ELMO1: variants seen among roughly 807,000 people sequenced by gnomAD.
ELMO1 encodes engulfment and cell motility 1, also known as engulfment and cell motility protein 1.
Under a neutral mutation model 98.9 loss-of-function variants are expected in ELMO1, and 26 were observed. The observed-to-expected ratio is 0.26, with a 90% CI of 0.19 to 0.36. The LOEUF (loss-of-function observed/expected upper bound fraction) is 0.36, where lower values mean the gene tolerates loss of function less well. ELMO1 is among the 10% of genes least tolerant of loss of function. The pLI is 1.00. For missense variants in ELMO1, 627 were observed against 935.2 expected, an observed-to-expected ratio of 0.67 and a Z score of 4.30; for synonymous variants, 346 against 346.0, an observed-to-expected ratio of 1.00 and a Z score of 0.00.
chr7:37,434,613 T>C (rs1805069166), intron 1 of ELMO1, among the ~76,000 whole-genome samples: 1 of 152,172 alleles, frequency 6.6e-6, no homozygotes, highest in African/African-American at 2.4e-5. Flanking sequence ...ATCACGTCAC[T>C]CCCTTGGGTA....
chr7:37,250,071 T>G (rs550068987), intron 6 of ELMO1, among the ~76,000 whole-genome samples: 1 of 152,050 alleles, frequency 6.6e-6, no homozygotes, highest in African/African-American at 2.4e-5. Flanking sequence ...AGAGCAAGAC[T>G]CTGACTCAAA....
intron 16 of ELMO1, among the ~76,000 whole-genome samples, chr7:37,005,120 A>G (rs1345382991): frequency 1.3e-5 from 2 of 150,146 alleles, no homozygotes; most frequent in African/African-American, 5.0e-5. Context: ...AAAAAAAAAA[A>G]AAAAAAAAAA....
chr7:37,059,747 A>G (rs1169486454), intron 15 of ELMO1, among the ~76,000 whole-genome samples: 1 of 152,212 alleles, frequency 6.6e-6, no homozygotes, highest in Non-Finnish European at 1.5e-5. Context: ...TGTTCCCACC[A>G]GAGACCTCAT....
At chr7:37,020,408 T>G (rs1428499862) in intron 15 of ELMO1, among the ~76,000 whole-genome samples, 1 of 152,224 alleles carries the variant, frequency 6.6e-6, no homozygotes, top group African/African-American at 2.4e-5. Context: ...ATTTGATAGG[T>G]TTAGCAAATG....
At chr7:36,880,344 A>T (rs1198911556) in intron 18 of ELMO1, among the ~76,000 whole-genome samples, 3 of 152,242 alleles carry the variant, frequency 2.0e-5, no homozygotes, top group African/African-American at 7.2e-5. Context: ...AATGTGTCAC[A>T]ATCAAACAAG....
At chr7:37,347,432 T>G (rs986801696) in intron 1 of ELMO1, among the ~76,000 whole-genome samples, 3 of 70,018 alleles carry the variant, frequency 4.3e-5, no homozygotes, top group Admixed American at 3.9e-4. Flanking sequence ...AATTTTCACA[T>G]GTTGTAGAAG....
At chr7:37,293,766 CA>C (rs56775177) in intron 4 of ELMO1, among the ~76,000 whole-genome samples, 17,810 of 100,552 alleles carry the variant, frequency 0.18, 2,025 homozygotes, top group African/African-American at 0.3. Context: ...ACTCTATATC[CA>C]AAAAAAAAAA....
At chr7:36,903,593 T>G (rs1326300594) in intron 16 of ELMO1, among the ~76,000 whole-genome samples, 1 of 152,240 alleles carries the variant, frequency 6.6e-6, no homozygotes, top group Non-Finnish European at 1.5e-5. Flanking sequence ...CCCTTGAGAT[T>G]CTGACCCTGG....
chr7:37,013,225 A>C, intron 16 of ELMO1, 74 bp downstream of exon 16: 1 of 1,550,216 alleles, frequency 6.5e-7, no homozygotes, highest in African/African-American at 1.4e-5. Context: ...CCTTCTGCAC[A>C]CAGCCAAGGG....
chr7:37,199,673 GC>G (rs1792172776), intron 13 of ELMO1, among the ~76,000 whole-genome samples: 1 of 152,180 alleles, frequency 6.6e-6, no homozygotes, highest in Non-Finnish European at 1.5e-5. Context: ...ATGCCTTGCA[GC>G]AAGAGCAAAA....
intron 16 of ELMO1, among the ~76,000 whole-genome samples, chr7:36,920,959 A>G (rs2129074382): frequency 6.6e-6 from 1 of 152,288 alleles, no homozygotes; most frequent in Middle Eastern, 3.4e-3. Flanking sequence ...TAAGAGGTGG[A>G]GCCTTTGAAG....
chr7:37,413,585 G>A (rs1251078477), intron 1 of ELMO1, among the ~76,000 whole-genome samples: 3 of 152,176 alleles, frequency 2.0e-5, no homozygotes, highest in Non-Finnish European at 4.4e-5. Flanking sequence ...GAGCATCCAG[G>A]TAACATGCAA....
chr7:37,158,072 T>C (rs539288255), intron 13 of ELMO1, among the ~76,000 whole-genome samples: 2 of 152,312 alleles, frequency 1.3e-5, no homozygotes, highest in Admixed American at 6.5e-5. Flanking sequence ...CCCTATTTAA[T>C]AAATGGTGCT....
At chr7:37,113,132 A>C (rs1785352702) in intron 14 of ELMO1, among the ~76,000 whole-genome samples, 2 of 152,252 alleles carry the variant, frequency 1.3e-5, no homozygotes, top group South Asian at 2.1e-4. Flanking sequence ...GAGAGGTTAG[A>C]GCGTGTTCCA....
At chr7:36,963,268 T>A (rs1384149387) in intron 16 of ELMO1, among the ~76,000 whole-genome samples, 1 of 151,946 alleles carries the variant, frequency 6.6e-6, no homozygotes, top group Non-Finnish European at 1.5e-5. Flanking sequence ...CTCCTAGCTA[T>A]TCAGGAGACT....
chr7:37,234,235 T>C (rs749457717), intron 7 of ELMO1, among the ~76,000 whole-genome samples: 3 of 152,220 alleles, frequency 2.0e-5, no homozygotes, highest in Admixed American at 6.5e-5. Context: ...GTTGGTTATA[T>C]AGATTTTTCA....
intron 15 of ELMO1, among the ~76,000 whole-genome samples, chr7:37,041,181 T>C (rs1795486934): frequency 6.6e-6 from 1 of 152,282 alleles, no homozygotes; most frequent in East Asian, 1.9e-4. Context: ...ATGTCAATAC[T>C]CTCTATAGGA....
In ELMO1 at chr7:36,853,870, C is replaced by T. The variant is rs908299179; in HGVS notation, c.*1681G>A. Among the ~76,000 whole-genome samples, 3 of 152,198 alleles carry T rather than the reference C, an allele frequency of 2.0e-5. No individual in the cohort carries two copies. Among genetic ancestry groups the T allele is most frequent in the African/African-American group, 7.2e-5 (3 of 41,438 alleles). ...CCTCCAGTGCAAATGACTTAAGAAACATCCTTCGCTGGGCTCTGACCTATA... is the reference window on the plus strand; with the variant it reads ...CCTCCAGTGCAAATGACTTAAGAAATATCCTTCGCTGGGCTCTGACCTATA... On this transcript the variant is annotated 3_prime_UTR_variant, in exon 22 of 22. Coordinates refer to ENST00000310758, the MANE Select transcript of ELMO1 (RefSeq NM_014800.11).
chr7:37,247,505 T>C (rs1052702480), intron 6 of ELMO1, among the ~76,000 whole-genome samples: 1 of 152,190 alleles, frequency 6.6e-6, no homozygotes, highest in African/African-American at 2.4e-5. Context: ...TGTGACTTAG[T>C]TGAGTGTGAC....
Sources: allele counts gnomAD v4.1 joint callset (sites outside exome capture counted in the v4.1 genomes callset), GRCh38; gene constraint gnomAD v4.1.1; transcripts MANE v1.5; gene names NCBI Gene and HGNC (gene_info 2026-07-23, HGNC 2026-07-21).